Variants in BTBD8 observed in about 807,000 individuals in gnomAD.
The protein encoded by BTBD8 is BTB domain containing 8.
A neutral mutation model predicts 162.9 loss-of-function variants in BTBD8; 110 were observed. The ratio of observed to expected loss-of-function variants is 0.68; its 90% CI spans 0.58 to 0.79. The LOEUF (loss-of-function observed/expected upper bound fraction) is 0.79, where lower values mean the gene tolerates loss of function less well. BTBD8 is among the 30% of genes least tolerant of loss of function. The pLI, the probability that BTBD8 is intolerant of heterozygous loss-of-function variation, is 0.00. For synonymous variants in BTBD8, 667 were observed against 716.1 expected, an observed-to-expected ratio of 0.93 and a Z score of 1.10; for missense variants, 1,905 against 2,085.4, an observed-to-expected ratio of 0.91 and a Z score of 1.68.
Position 92,180,706 on chromosome 1 carries a change from G to T in BTBD8, c.3023G>T (p.Cys1008Phe), listed in dbSNP as rs1650865211. The T allele has an allele frequency of 7.1e-6, 11 of 1,551,652 alleles. No homozygotes were observed. In the East Asian group the frequency reaches 7.3e-5, roughly 10 times the overall value. ...ISDAEALQSS[C>F]RPDPQKPLND... ...GATGCAGAAGCACTCCAGTCATCCT[G>T]CAGGCCTGACCCACAAAAGCCATTA... is the stretch of plus-strand genomic sequence containing the variant. The change falls in exon 17 of 18, where the codon TGC becomes TTC. Residue 1008 changes from cysteine (C) to phenylalanine (F), a missense_variant. This residue lies in a region of BTBD8 where 1,374 missense variants were observed against 1,442.7 expected (regional missense o/e 0.95). Coordinates refer to ENST00000636805, the MANE Select transcript of BTBD8 (RefSeq NM_001376131.1).
intron 3 of BTBD8, among the ~76,000 whole-genome samples, chr1:92,107,268 T>C (rs1002382279): frequency 2.6e-5 from 4 of 152,112 alleles, no homozygotes; most frequent in African/African-American, 9.7e-5. Flanking sequence ...TCATTTTTGG[T>C]GTATAATTTT....
intron 4 of BTBD8, chr1:92,126,459 T>C (rs1009599310): frequency 2.8e-5 from 25 of 906,244 alleles, no homozygotes; most frequent in Non-Finnish European, 4.3e-5. Flanking sequence ...TTTGTGTCAC[T>C]GTCTGAAATC....
rs553000725 is a variant in BTBD8 at position 92,086,028 on chromosome 1, C to T, written c.150-2670C>T. ...GGTTGAAAGAAAGTGGTGTATCAAG[C>T]GCATGATCTACAGCTGTGATGGTTT... On this transcript the variant is annotated intron_variant, in intron 1 of 17. Coordinates refer to ENST00000636805, the MANE Select transcript of BTBD8 (RefSeq NM_001376131.1). 1.9e-4 allele frequency among the ~76,000 whole-genome samples: 29 copies of T among 152,286 alleles called. No homozygotes were observed. In the South Asian group the frequency reaches 2.9e-3, roughly 15 times the overall value.
At chr1:92,182,873 T>TA (rs1299972745) in intron 17 of BTBD8, among the ~76,000 whole-genome samples, 1 of 152,080 alleles carries the variant, frequency 6.6e-6, no homozygotes, top group Non-Finnish European at 1.5e-5. Context: ...AAGAAAAACT[T>TA]AGTTTGCTGC....
chr1:92,121,056 C>T (rs986135525), intron 4 of BTBD8, among the ~76,000 whole-genome samples: 2 of 152,148 alleles, frequency 1.3e-5, no homozygotes, highest in African/African-American at 2.4e-5. Flanking sequence ...TGAGCCACTG[C>T]GCCTGGCCAA....
At chr1:92,117,589 G>C (rs943519907) in intron 4 of BTBD8, among the ~76,000 whole-genome samples, 1 of 151,892 alleles carries the variant, frequency 6.6e-6, no homozygotes, top group African/African-American at 2.4e-5. Flanking sequence ...GCCAGGCTTT[G>C]TGTAGTTTTA....
chr1:92,134,452 C>G (rs1649584520), intron 5 of BTBD8, among the ~76,000 whole-genome samples: 1 of 152,172 alleles, frequency 6.6e-6, no homozygotes, highest in Non-Finnish European at 1.5e-5. Flanking sequence ...TTCATTCCTG[C>G]ATCAGGGCCT....
chr1:92,116,759 C>T (rs1017589397), intron 4 of BTBD8, among the ~76,000 whole-genome samples: 4 of 151,664 alleles, frequency 2.6e-5, no homozygotes, highest in African/African-American at 9.7e-5. Flanking sequence ...CTTGCTTTTG[C>T]TATCCAGTCT....
intron 5 of BTBD8, among the ~76,000 whole-genome samples, chr1:92,135,338 A>C (rs1056811172): frequency 2.6e-5 from 4 of 152,168 alleles, no homozygotes; most frequent in African/African-American, 9.7e-5. Context: ...GGCGTGTGCC[A>C]CCTCACCCAG....
At position 92,118,113 on chromosome 1, in the gene BTBD8, G is replaced by A. The variant is rs1420882092; in HGVS notation, c.662+10112G>A. On this transcript the variant is annotated intron_variant, in intron 4 of 17. Transcript: ENST00000636805. ...ATCTTATAGTACATTTGTTACAATT[G>A]AGTCAATATCAATACATTGTTATTA... Among the ~76,000 whole-genome samples the A allele has an allele frequency of 5.3e-5, 8 of 151,758 alleles. 1 individual carries two copies. The highest frequency in any genetic ancestry group is 1.5e-4 in the African/African-American group (6 of 41,164).
At chr1:92,131,331 G>A (rs1425341696) in intron 5 of BTBD8, among the ~76,000 whole-genome samples, 1 of 152,200 alleles carries the variant, frequency 6.6e-6, no homozygotes, top group East Asian at 1.9e-4. Context: ...GCAATACATA[G>A]CAAAGATATG....
At chr1:92,126,923 G>A (rs1236948674) in intron 4 of BTBD8, among the ~76,000 whole-genome samples, 3 of 152,072 alleles carry the variant, frequency 2.0e-5, no homozygotes, top group Non-Finnish European at 2.9e-5. Flanking sequence ...AGGAAAAATG[G>A]ATACAGAAAA....
intron 16 of BTBD8, 77 bp downstream of exon 16, chr1:92,178,528 C>A: frequency 1.7e-6 from 2 of 1,193,770 alleles, no homozygotes; most frequent in Non-Finnish European, 2.3e-6. Flanking sequence ...TGATTTGCAA[C>A]TTCAGTAGCA....
chr1:92,141,971 C>G (rs895691423), intron 7 of BTBD8, among the ~76,000 whole-genome samples: 1 of 152,166 alleles, frequency 6.6e-6, no homozygotes, highest in Non-Finnish European at 1.5e-5. Context: ...GTTTTAATAA[C>G]GCTTAAATTT....
intron 9 of BTBD8, among the ~76,000 whole-genome samples, chr1:92,157,689 G>C (rs1216395973): frequency 6.6e-6 from 1 of 151,738 alleles, no homozygotes; most frequent in Admixed American, 6.6e-5. Flanking sequence ...GTAGGGATAG[G>C]GTCTTGCTGT....
chr1:92,080,453 C>T lies in BTBD8; in HGVS notation c.-119C>T. On this transcript the variant is annotated 5_prime_UTR_variant, in exon 1 of 18. Transcript: ENST00000636805. ...CCGACGAGAGGCGTCAACCTTTTACCCTAGGGGGCGGATTTGGGTAGGAGC... is the reference window on the plus strand; with the variant it reads ...CCGACGAGAGGCGTCAACCTTTTACTCTAGGGGGCGGATTTGGGTAGGAGC... The T allele has an allele frequency of 6.9e-7, 1 of 1,450,124 alleles. No individual in the cohort carries two copies. Among genetic ancestry groups the T allele is most frequent in the Non-Finnish European group, 9.2e-7 (1 of 1,085,386 alleles). The allele number at this position is 1,450,124 out of a possible 1,614,324, so 89.8% of individuals were successfully genotyped here.
Position 92,168,939 on chromosome 1 carries a change from G to T in BTBD8, c.1517G>T (p.Arg506Leu). ...CTGGTTCAGTCTTTCTATGCTGTTC[G>T]TCACACAGAAAGCTGGAAGCTGATG... is the stretch of plus-strand genomic sequence containing the variant. ...IFLVQSFYAV[R>L]HTESWKLMST... is the part of the protein sequence containing the mutation. Residue 506 changes from arginine (R) to leucine (L), a missense_variant, in exon 12 of 18, where the codon CGT becomes CTT. By Grantham distance (102) the Arg-to-Leu change is moderately radical. Around this residue, in one of 3 missense-constraint regions of BTBD8, gnomAD observed 1,374 missense variants for 1,442.7 expected, o/e 0.95. Transcript: ENST00000636805. 1 of 1,543,840 alleles carries T rather than the reference G, an allele frequency of 6.5e-7. No homozygotes were observed. Among genetic ancestry groups the T allele is most frequent in the Non-Finnish European group, 8.8e-7 (1 of 1,141,228 alleles).
chr1:92,089,035 T>G (rs1176380148), intron 2 of BTBD8, 140 bp downstream of exon 2: 1 of 788,478 alleles, frequency 1.3e-6, no homozygotes, highest in Non-Finnish European at 1.9e-6. Flanking sequence ...ATTATCTTAG[T>G]AATTAGTGTT....
intron 3 of BTBD8, among the ~76,000 whole-genome samples, chr1:92,103,853 C>T (rs1484824156): frequency 6.6e-6 from 1 of 152,200 alleles, no homozygotes; most frequent in Non-Finnish European, 1.5e-5. Context: ...TTTACTGGTG[C>T]TCTGCTCAGA....
Sources: allele counts gnomAD v4.1 joint callset (sites outside exome capture counted in the v4.1 genomes callset), GRCh38; gene constraint gnomAD v4.1.1; regional missense constraint gnomAD v4.1.1; transcripts MANE v1.5; gene names NCBI Gene and HGNC (gene_info 2026-07-23, HGNC 2026-07-21).